TRPM3: variants seen among roughly 807,000 people sequenced by gnomAD.
TRPM3 encodes the protein transient receptor potential cation channel subfamily M member 3, also known as long transient receptor potential channel 3.
A neutral mutation model predicts 181.2 loss-of-function variants in TRPM3; 77 were observed. The ratio of observed to expected loss-of-function variants is 0.42; its 90% CI spans 0.35 to 0.51. The LOEUF (loss-of-function observed/expected upper bound fraction) is 0.51, where lower values mean the gene tolerates loss of function less well. TRPM3 is among the 20% of genes least tolerant of loss of function. TRPM3 has a pLI of 0.01. For synonymous variants in TRPM3, 745 were observed against 796.4 expected (o/e 0.94, Z 1.09); for missense variants, 1,759 against 2,196.7 (o/e 0.80, Z 3.98).
chr9:70,974,100 A>C (rs985606495), intron 1 of TRPM3, among the ~76,000 whole-genome samples: 3 of 152,224 alleles, frequency 2.0e-5, no homozygotes, highest in African/African-American at 7.2e-5. Flanking sequence ...TAATTCAGTC[A>C]TTATAGTTTG....
At chr9:71,174,729 G>T (rs903550721) in intron 1 of TRPM3, among the ~76,000 whole-genome samples, 1 of 152,080 alleles carries the variant, frequency 6.6e-6, no homozygotes, top group Non-Finnish European at 1.5e-5. Context: ...AGAAGCCATC[G>T]GGTATCTGGA....
intron 1 of TRPM3, among the ~76,000 whole-genome samples, chr9:70,907,665 C>T (rs147674996): frequency 2.8e-4 from 42 of 152,270 alleles, no homozygotes; most frequent in African/African-American, 8.9e-4. Context: ...TAATGAACAT[C>T]GTACCCAATA....
At chr9:71,275,423 T>C (rs1301062838) in intron 1 of TRPM3, among the ~76,000 whole-genome samples, 2 of 152,236 alleles carry the variant, frequency 1.3e-5, no homozygotes, top group African/African-American at 2.4e-5. Flanking sequence ...GAATAGTCAA[T>C]ATTGCAAAAA....
intron 1 of TRPM3, among the ~76,000 whole-genome samples, chr9:71,364,124 A>G (rs950121790): frequency 4.6e-5 from 7 of 152,114 alleles, no homozygotes; most frequent in Admixed American, 6.6e-5. Context: ...AAAAACCAAA[A>G]CAAGAAAAAG....
chr9:70,862,797 G>T, intron 3 of TRPM3, 111 bp downstream of exon 3: 1 of 1,054,228 alleles, frequency 9.5e-7, no homozygotes, highest in Non-Finnish European at 1.4e-6. Flanking sequence ...ATCAGACAGT[G>T]GCAGAGTGGA....
intron 1 of TRPM3, among the ~76,000 whole-genome samples, chr9:71,272,793 C>A (rs973717194): frequency 6.6e-6 from 1 of 151,802 alleles, no homozygotes. Context: ...AACTCAAATG[C>A]ATAATTCTAG....
At chr9:71,039,029 A>C (rs1047200039) in intron 1 of TRPM3, among the ~76,000 whole-genome samples, 1 of 152,160 alleles carries the variant, frequency 6.6e-6, no homozygotes, top group African/African-American at 2.4e-5. Flanking sequence ...AAAACAAAAA[A>C]CAAATAGAGG....
chr9:71,296,932 A>T (rs889324173), intron 1 of TRPM3, among the ~76,000 whole-genome samples: 6 of 151,598 alleles, frequency 4.0e-5, no homozygotes, highest in African/African-American at 1.2e-4. Flanking sequence ...CAGAAAGAAG[A>T]TTTAAAGCGA....
chr9:71,398,097 G>C (rs551292179), intron 1 of TRPM3, among the ~76,000 whole-genome samples: 2 of 152,256 alleles, frequency 1.3e-5, no homozygotes, highest in South Asian at 4.1e-4. Context: ...TCAGCCCCAT[G>C]ATCTGCCCCA....
chr9:71,276,457 AC>A (rs2132161630), intron 1 of TRPM3, among the ~76,000 whole-genome samples: 1 of 152,344 alleles, frequency 6.6e-6, no homozygotes, highest in East Asian at 1.9e-4. Context: ...TGTAGCATAT[AC>A]AAAAAAAACT....
chr9:71,057,294 T>A (rs528246967), intron 1 of TRPM3, among the ~76,000 whole-genome samples: 1 of 152,050 alleles, frequency 6.6e-6, no homozygotes, highest in Non-Finnish European at 1.5e-5. Context: ...AGTCTATTTT[T>A]TTGTAGCCCT....
intron 1 of TRPM3, among the ~76,000 whole-genome samples, chr9:71,019,892 T>C (rs1042914648): frequency 2.0e-5 from 3 of 152,144 alleles, no homozygotes; most frequent in African/African-American, 7.2e-5. Flanking sequence ...CACTCATATA[T>C]GGAAATTTGC....
chr9:71,067,172 A>G (rs2062037432), intron 1 of TRPM3, among the ~76,000 whole-genome samples: 2 of 152,230 alleles, frequency 1.3e-5, no homozygotes, highest in South Asian at 4.1e-4. Flanking sequence ...AGACAAAACA[A>G]GGAGGCAATT....
chr9:71,356,877 C>A (rs2091918705), intron 1 of TRPM3, among the ~76,000 whole-genome samples: 1 of 151,914 alleles, frequency 6.6e-6, no homozygotes, highest in Non-Finnish European at 1.5e-5. Flanking sequence ...TGTTTCTGCA[C>A]TTTTTCCTAT....
chr9:71,420,609 G>A, intron 1 of TRPM3, among the ~76,000 whole-genome samples: 1 of 128,550 alleles, frequency 7.8e-6, no homozygotes, highest in Non-Finnish European at 1.7e-5. Context: ...AGAAGAGAAA[G>A]AAAGAAAGAC....
intron 8 of TRPM3, among the ~76,000 whole-genome samples, chr9:70,758,960 C>CA (rs2077580754): frequency 6.6e-6 from 1 of 152,186 alleles, no homozygotes; most frequent in Admixed American, 6.5e-5. Flanking sequence ...GCAATGGCAA[C>CA]ACAAGCCAAA....
intron 1 of TRPM3, among the ~76,000 whole-genome samples, chr9:71,283,506 G>A (rs916658683): frequency 1.3e-5 from 2 of 151,904 alleles, no homozygotes; most frequent in African/African-American, 2.4e-5. Flanking sequence ...GGGTTTCACC[G>A]TGTTAGCCAG....
intron 9 of TRPM3, among the ~76,000 whole-genome samples, chr9:70,646,887 A>AAAAC (rs1554800465): frequency 3.4e-5 from 5 of 147,584 alleles, no homozygotes; most frequent in African/African-American, 1.0e-4. Flanking sequence ...AAAAAAAAAA[A>AAAAC]AAAACCCTCA....
At chr9:70,552,359 C>T (rs2046674457) in intron 24 of TRPM3, among the ~76,000 whole-genome samples, 1 of 152,150 alleles carries the variant, frequency 6.6e-6, no homozygotes. Flanking sequence ...TCTGTTTTGT[C>T]CTCCGAGTAA....
Sources: allele counts gnomAD v4.1 joint callset (sites outside exome capture counted in the v4.1 genomes callset), GRCh38; gene constraint gnomAD v4.1.1; transcripts MANE v1.5; gene names NCBI Gene and HGNC (gene_info 2026-07-23, HGNC 2026-07-21).